The following EEF1AKMT2 variants were observed in gnomAD, a reference collection of about 807,000 sequenced individuals.
EEF1AKMT2 encodes the protein EEF1A lysine methyltransferase 2, also known as eukaryotic translation elongation factor 1 alpha lysine methyltransferase 2.
Under a neutral mutation model 35.8 loss-of-function variants are expected in EEF1AKMT2, and 32 were observed. That is an observed-to-expected ratio of 0.89 (90% CI 0.67 to 1.20). The LOEUF (loss-of-function observed/expected upper bound fraction) is 1.20, where lower values mean the gene tolerates loss of function less well. Ranked by LOEUF, EEF1AKMT2 falls within the 50% of genes most tolerant of loss-of-function variation. The pLI is 0.00. For missense variants in EEF1AKMT2, 330 were observed against 347.5 expected (o/e 0.95, Z 0.40); for synonymous variants, 121 against 133.7 (o/e 0.91, Z 0.65).
At chr10:124,791,304 C>T (rs1279866304) in intron 1 of EEF1AKMT2, among the ~76,000 whole-genome samples, 1 of 152,084 alleles carries the variant, frequency 6.6e-6, no homozygotes, top group East Asian at 1.9e-4. Context: ...CACCCCACTT[C>T]CAGCTCCCAC....
rs374446725 is a variant in EEF1AKMT2, at chr10:124,759,483, T to A, written c.*1020A>T. ...TTTTCTAACTGAACTTTATATGTAATCATCATGGGTCTCCAGCTGTACTGT... is the reference window on the plus strand; with the variant it reads ...TTTTCTAACTGAACTTTATATGTAAACATCATGGGTCTCCAGCTGTACTGT... On this transcript the variant is annotated 3_prime_UTR_variant, in exon 7 of 7. Coordinates refer to ENST00000368836, the MANE Select transcript of EEF1AKMT2 (RefSeq NM_212554.4). The A allele has an allele frequency of 1.3e-5, 2 of 152,222 alleles. No individual in the cohort carries two copies. The highest frequency in any genetic ancestry group is 2.9e-5 in the Non-Finnish European group (2 of 68,032). 9.4% of individuals were successfully genotyped at this position (152,222 alleles called of 1,614,324 possible).
At chr10:124,786,999 C>T (rs1421936879) in intron 3 of EEF1AKMT2, among the ~76,000 whole-genome samples, 4 of 150,230 alleles carry the variant, frequency 2.7e-5, no homozygotes, top group South Asian at 2.1e-4. Context: ...CTCACTCTGT[C>T]GCCCAGGCTG....
At chr10:124,769,580 C>T (rs1055269757) in intron 4 of EEF1AKMT2, among the ~76,000 whole-genome samples, 2 of 152,038 alleles carry the variant, frequency 1.3e-5, no homozygotes, top group African/African-American at 2.4e-5. Context: ...TTTGGTTTCC[C>T]AGTGCATATA....
intron 3 of EEF1AKMT2, among the ~76,000 whole-genome samples, chr10:124,780,871 G>T (rs1950533528): frequency 1.3e-5 from 2 of 151,584 alleles, no homozygotes; most frequent in South Asian, 4.1e-4. Flanking sequence ...CTAGAAAAAT[G>T]ATGCATTCAT....
chr10:124,768,529 T>C (rs1950400392), intron 4 of EEF1AKMT2, among the ~76,000 whole-genome samples: 1 of 151,886 alleles, frequency 6.6e-6, no homozygotes, highest in African/African-American at 2.4e-5. Flanking sequence ...CAGATCACCT[T>C]AGGTCGTGAG....
chr10:124,784,029 G>C (rs1321996651), intron 3 of EEF1AKMT2, among the ~76,000 whole-genome samples: 1 of 151,978 alleles, frequency 6.6e-6, no homozygotes, highest in Non-Finnish European at 1.5e-5. Context: ...TCTCCATGTT[G>C]GTCAGGCTGG....
intron 3 of EEF1AKMT2, among the ~76,000 whole-genome samples, chr10:124,782,046 A>G (rs1452503509): frequency 6.6e-6 from 1 of 152,196 alleles, no homozygotes; most frequent in African/African-American, 2.4e-5. Context: ...CCACTAGAAA[A>G]GCCACACCAA....
chr10:124,763,133 G>A (rs1274610643), intron 5 of EEF1AKMT2, among the ~76,000 whole-genome samples: 1 of 152,152 alleles, frequency 6.6e-6, no homozygotes, highest in African/African-American at 2.4e-5. Flanking sequence ...CCCCAAACCT[G>A]AATAGATTCA....
intron 3 of EEF1AKMT2, among the ~76,000 whole-genome samples, chr10:124,784,193 C>A (rs1268194703): frequency 1.3e-5 from 2 of 151,946 alleles, no homozygotes; most frequent in East Asian, 3.9e-4. Flanking sequence ...TTAAAACAAA[C>A]CTTAACAAAT....
chr10:124,774,406 A>T (rs2244184), intron 4 of EEF1AKMT2, among the ~76,000 whole-genome samples: 16 of 48,494 alleles, frequency 3.3e-4, no homozygotes, highest in South Asian at 2.5e-3. Flanking sequence ...AAAAAAAAAA[A>T]AAAACCCTTT....
At chr10:124,788,280 T>C (rs1179470883) in intron 3 of EEF1AKMT2, among the ~76,000 whole-genome samples, 4 of 151,992 alleles carry the variant, frequency 2.6e-5, no homozygotes, top group Non-Finnish European at 4.4e-5. Context: ...ACCCCTCCAC[T>C]CCAAAATTAA....
chr10:124,786,578 G>A (rs985229197), intron 3 of EEF1AKMT2, among the ~76,000 whole-genome samples: 2 of 151,542 alleles, frequency 1.3e-5, no homozygotes, highest in African/African-American at 4.9e-5. Flanking sequence ...GGGAGGCTGA[G>A]GCAGGCAGAT....
At chr10:124,773,045 C>G (rs1950451771) in intron 4 of EEF1AKMT2, among the ~76,000 whole-genome samples, 1 of 152,218 alleles carries the variant, frequency 6.6e-6, no homozygotes. Flanking sequence ...AGAGGCCTAG[C>G]TTTTGGCCTA....
chr10:124,757,522 A>T (rs942209705), downstream of EEF1AKMT2, among the ~76,000 whole-genome samples: 6 of 152,206 alleles, frequency 3.9e-5, no homozygotes, highest in Non-Finnish European at 8.8e-5. Context: ...TTTCAAGGCC[A>T]TAAGAAACTT....
chr10:124,777,098 G>A (rs761593168), intron 3 of EEF1AKMT2, among the ~76,000 whole-genome samples: 47 of 151,748 alleles, frequency 3.1e-4, no homozygotes, highest in Non-Finnish European at 5.0e-4. Flanking sequence ...TGGCCAACAC[G>A]GTGAAACCCC....
At chr10:124,760,921 G>A (rs979431657) in intron 6 of EEF1AKMT2, among the ~76,000 whole-genome samples, 3 of 152,250 alleles carry the variant, frequency 2.0e-5, no homozygotes, top group Non-Finnish European at 4.4e-5. Context: ...CGAGGCTGGA[G>A]TGCAGTGGCA....
intron 5 of EEF1AKMT2, among the ~76,000 whole-genome samples, chr10:124,763,257 C>T (rs1287179052): frequency 5.3e-5 from 8 of 152,098 alleles, no homozygotes; most frequent in Admixed American, 5.2e-4. Context: ...GCAACTGGTT[C>T]CAGGTAACCC....
intron 3 of EEF1AKMT2, 44 bp downstream of exon 3, chr10:124,788,999 C>T (rs1326823754): frequency 1.4e-6 from 2 of 1,451,942 alleles, no homozygotes; most frequent in South Asian, 1.2e-5. Flanking sequence ...AAAAATTTTC[C>T]TTTTAAAATT....
intron 3 of EEF1AKMT2, among the ~76,000 whole-genome samples, chr10:124,778,376 A>G (rs1313005834): frequency 6.6e-6 from 1 of 152,194 alleles, no homozygotes; most frequent in Non-Finnish European, 1.5e-5. Context: ...AATTCAAGGC[A>G]GATGAAAGCA....
Sources: gnomAD v4.1 joint callset for allele counts (sites outside exome capture counted in the v4.1 genomes callset) on GRCh38, gnomAD v4.1.1 for gene constraint, MANE v1.5 for transcripts, NCBI Gene and HGNC (gene_info 2026-07-23, HGNC 2026-07-21) for gene names.